NFIB: variants seen among roughly 807,000 people sequenced by gnomAD.
The protein encoded by NFIB is nuclear factor I B, also known as nuclear factor 1 B-type.
Under a neutral mutation model 61.5 loss-of-function variants are expected in NFIB, and 11 were observed. The observed-to-expected ratio is 0.18, with a 90% CI of 0.11 to 0.30. NFIB has a LOEUF of 0.30. Among genes scored for constraint, NFIB ranks in the 10% least tolerant of loss-of-function variants. The probability of loss-of-function intolerance (pLI) is 1.00; values close to 1 mark genes in which losing one functional copy is unlikely to be tolerated. For missense variants in NFIB, 471 were observed against 608.9 expected (o/e 0.77, Z 2.38); for synonymous variants, 260 against 216.5 (o/e 1.20, Z -1.76).
intron 2 of NFIB, among the ~76,000 whole-genome samples, chr9:14,228,387 G>C (rs906653123): frequency 4.6e-5 from 7 of 151,908 alleles, no homozygotes; most frequent in Admixed American, 1.3e-4. Context: ...GTAGAGATAA[G>C]GTTTCACCAC....
intron 6 of NFIB, among the ~76,000 whole-genome samples, chr9:14,132,244 AG>A (rs1389269436): frequency 2.0e-5 from 3 of 152,204 alleles, no homozygotes; most frequent in Non-Finnish European, 2.9e-5. Context: ...TGGTTAACAA[AG>A]AAGTAAATTC....
the NFIB span, among the ~76,000 whole-genome samples, chr9:14,525,724 G>A: frequency 6.6e-6 from 1 of 152,046 alleles, no homozygotes; most frequent in African/African-American, 2.4e-5. Context: ...GGAAAATCCT[G>A]AATTTTTATG....
At chr9:14,187,023 G>A (rs200734992) in intron 2 of NFIB, among the ~76,000 whole-genome samples, 16 of 11,814 alleles carry the variant, frequency 1.4e-3, no homozygotes, top group Non-Finnish European at 4.3e-3. Context: ...GTGTGTGTGT[G>A]TGTATGTGTG....
chr9:14,093,504 A>C (rs1025087126), intron 10 of NFIB: 6 of 152,122 alleles, frequency 3.9e-5, no homozygotes, highest in African/African-American at 1.4e-4. Flanking sequence ...GGCAATAAAA[A>C]TGAGCAATGG....
chr9:14,215,095 A>G lies in NFIB; in HGVS notation c.563-35315T>C, dbSNP rs548499673. Among the ~76,000 whole-genome samples the G allele has an allele frequency of 5.5e-4, 84 of 152,298 alleles. 1 individual carries two copies. Among genetic ancestry groups the G allele is most frequent in the African/African-American group, 2.0e-3 (84 of 41,528 alleles). The stretch of plus-strand genomic sequence containing the variant: ...TATATTACTTATAATTTTTCAAAGT[A>G]AATAGCTCAGTAAAATGATCTTCTG... On this transcript the variant is annotated intron_variant, in intron 2 of 10. Coordinates refer to ENST00000380953, the MANE Select transcript of NFIB (RefSeq NM_001190737.2).
chr9:14,137,436 A>T (rs965710652), intron 6 of NFIB, among the ~76,000 whole-genome samples: 1 of 152,222 alleles, frequency 6.6e-6, no homozygotes, highest in Admixed American at 6.5e-5. Flanking sequence ...AACTTTCTGA[A>T]TTTTCCAAAA....
intron 5 of NFIB, among the ~76,000 whole-genome samples, chr9:14,148,859 A>C (rs2042567623): frequency 6.6e-6 from 1 of 152,202 alleles, no homozygotes; most frequent in Admixed American, 6.5e-5. Flanking sequence ...CCAAAGTTAG[A>C]CCTTACATTT....
intron 2 of NFIB, among the ~76,000 whole-genome samples, chr9:14,249,278 T>G (rs936188246): frequency 1.8e-4 from 28 of 152,250 alleles, no homozygotes; most frequent in Non-Finnish European, 3.8e-4. Context: ...TCAAAGAGCT[T>G]AAACAAATTG....
At chr9:14,128,195 C>T (rs1338044101) in intron 6 of NFIB, among the ~76,000 whole-genome samples, 1 of 152,074 alleles carries the variant, frequency 6.6e-6, no homozygotes, top group Non-Finnish European at 1.5e-5. Context: ...AACCTCTATT[C>T]TGTCTTTCTT....
Position 14,306,679 on chromosome 9 carries a change from A to G in NFIB, c.562+310T>C, listed in dbSNP as rs569875953. ...TAGCCTACGACAGAAAGTATAGTGT[A>G]ATGAACTATATTTGTTAGACTACCC... On this transcript the variant is annotated intron_variant, in intron 2 of 10. Transcript: ENST00000380953. Among the ~76,000 whole-genome samples the G allele has an allele frequency of 3.2e-4, 48 of 152,378 alleles. 1 individual carries two copies. The South Asian group carries it at 9.5e-3, about 30-fold the overall frequency.
chr9:14,407,807 T>A, the NFIB span, among the ~76,000 whole-genome samples: 1 of 151,734 alleles, frequency 6.6e-6, no homozygotes, highest in Non-Finnish European at 1.5e-5. Flanking sequence ...CACCTCAGCC[T>A]CCTGAGTAGC....
chr9:14,250,826 T>C lies in NFIB; in HGVS notation c.562+56163A>G, dbSNP rs1200080742. Among the ~76,000 whole-genome samples, 8 of 152,352 alleles carry C rather than the reference T, an allele frequency of 5.3e-5. No homozygotes were observed. The South Asian group carries it at 1.7e-3, about 32-fold the overall frequency. ...AGTAAAAGATAACCAAATAAATCCA[T>C]TGAGAAGTCACGTTTATTCAAAAGA... On this transcript the variant is annotated intron_variant, in intron 2 of 10. Transcript: ENST00000380953.
chr9:14,498,558 G>A, the NFIB span, among the ~76,000 whole-genome samples: 553 of 152,314 alleles, frequency 3.6e-3, 6 homozygotes, highest in African/African-American at 0.013. Context: ...CACATGAGGA[G>A]AAACAGCTTG....
chr9:14,107,698 C>T (rs1362153881), intron 10 of NFIB, among the ~76,000 whole-genome samples: 2 of 152,092 alleles, frequency 1.3e-5, no homozygotes, highest in African/African-American at 4.8e-5. Context: ...CTCCTAATCC[C>T]TGGTTCTCAC....
At chr9:14,391,435 T>C (rs991633196) in intron 1 of NFIB, among the ~76,000 whole-genome samples, 5 of 138,158 alleles carry the variant, frequency 3.6e-5, no homozygotes, top group African/African-American at 1.4e-4. Flanking sequence ...TGGTCAGAGC[T>C]GGTACCAGGG....
At chr9:14,409,420 C>T in the NFIB span, among the ~76,000 whole-genome samples, 2 of 152,112 alleles carry the variant, frequency 1.3e-5, no homozygotes, top group East Asian at 3.9e-4. Flanking sequence ...CACAAACAAC[C>T]AGCCACACGG....
the NFIB span, among the ~76,000 whole-genome samples, chr9:14,519,502 G>C: frequency 1.3e-5 from 2 of 152,146 alleles, no homozygotes; most frequent in African/African-American, 4.8e-5. Context: ...CCTAGTAGTA[G>C]TTTCTGTTGT....
intron 2 of NFIB, among the ~76,000 whole-genome samples, chr9:14,257,382 C>T (rs756666034): frequency 6.6e-6 from 1 of 152,146 alleles, no homozygotes; most frequent in Non-Finnish European, 1.5e-5. Flanking sequence ...TCCCCAGGAC[C>T]AGCAAAACCC....
intron 1 of NFIB, among the ~76,000 whole-genome samples, chr9:14,368,317 C>T (rs193277249): frequency 6.6e-6 from 1 of 152,292 alleles, no homozygotes; most frequent in Admixed American, 6.5e-5. Flanking sequence ...TAAAGATTTC[C>T]ACCCCAGAAT....
Sources: gnomAD v4.1 joint callset for allele counts (sites outside exome capture counted in the v4.1 genomes callset) on GRCh38, gnomAD v4.1.1 for gene constraint, MANE v1.5 for transcripts, NCBI Gene and HGNC (gene_info 2026-07-23, HGNC 2026-07-21) for gene names.